DDX4: variants seen among roughly 807,000 people sequenced by gnomAD.
The protein encoded by DDX4 is probable ATP-dependent RNA helicase DDX4.
In DDX4, 25 loss-of-function variants were observed where a neutral mutation model predicts 100.0. The ratio of observed to expected loss-of-function variants is 0.25; its 90% CI spans 0.18 to 0.35. DDX4 has a LOEUF of 0.35. DDX4 is among the 10% of genes least tolerant of loss of function. The probability of loss-of-function intolerance (pLI) is 1.00; values close to 1 mark genes in which losing one functional copy is unlikely to be tolerated. For synonymous variants in DDX4, 259 were observed against 275.7 expected, an observed-to-expected ratio of 0.94 and a Z score of 0.60; for missense variants, 635 against 882.4, an observed-to-expected ratio of 0.72 and a Z score of 3.55.
intron 14 of DDX4, 47 bp downstream of exon 14, chr5:55,786,717 G>T: frequency 1.3e-6 from 2 of 1,508,666 alleles, no homozygotes; most frequent in Non-Finnish European, 1.8e-6. Context: ...TTTGAGCTTT[G>T]GTTCTTCCTT....
At chr5:55,812,405 CA>C (rs561807367) in intron 18 of DDX4, among the ~76,000 whole-genome samples, 278 of 151,222 alleles carry the variant, frequency 1.8e-3, no homozygotes, top group African/African-American at 4.8e-3. Context: ...ACTAAAAATA[CA>C]AAAAAAAATT....
chr5:55,810,763 T>A (rs945760781), intron 18 of DDX4, among the ~76,000 whole-genome samples: 6 of 152,156 alleles, frequency 3.9e-5, no homozygotes, highest in Non-Finnish European at 7.4e-5. Flanking sequence ...CTCAAAAGTT[T>A]TCTGGGTGAA....
chr5:55,782,832 G>A (rs572807841), intron 10 of DDX4, among the ~76,000 whole-genome samples: 76 of 139,032 alleles, frequency 5.5e-4, no homozygotes, highest in Non-Finnish European at 9.6e-4. Context: ...GTCTCACTCT[G>A]TCACCCAGGT....
At chr5:55,751,852 TCAC>T (rs1353244151) in intron 3 of DDX4, among the ~76,000 whole-genome samples, 1 of 152,220 alleles carries the variant, frequency 6.6e-6, no homozygotes, top group African/African-American at 2.4e-5. Flanking sequence ...AAGAAATTCT[TCAC>T]CATCTCTGTC....
intron 6 of DDX4, chr5:55,767,107 C>A: frequency 8.0e-7 from 1 of 1,244,390 alleles, no homozygotes. Context: ...GGAAAGTTTG[C>A]ATATATTTAA....
intron 15 of DDX4, among the ~76,000 whole-genome samples, chr5:55,788,937 C>T (rs879456970): frequency 6.6e-6 from 1 of 151,994 alleles, no homozygotes; most frequent in Non-Finnish European, 1.5e-5. Context: ...TGCAGTGGTG[C>T]ACCCCTGTAG....
intron 17 of DDX4, among the ~76,000 whole-genome samples, chr5:55,796,633 T>C (rs1397406911): frequency 6.6e-6 from 1 of 152,164 alleles, no homozygotes; most frequent in Non-Finnish European, 1.5e-5. Context: ...CGTGTGTTTC[T>C]AGTCTACTAG....
chr5:55,814,404 C>CA (rs1326341823), intron 19 of DDX4, among the ~76,000 whole-genome samples: 1 of 151,828 alleles, frequency 6.6e-6, no homozygotes, highest in African/African-American at 2.4e-5. Flanking sequence ...TTTTGCAACT[C>CA]AAAGTATTAT....
intron 17 of DDX4, 133 bp from the exon 18 acceptor site, chr5:55,798,286 ATATAAGT>A: frequency 1.2e-6 from 1 of 844,688 alleles, no homozygotes; most frequent in Non-Finnish European, 1.7e-6. Context: ...TACTTGGGTG[ATATAAGT>A]AACCAACCAT....
intron 16 of DDX4, among the ~76,000 whole-genome samples, chr5:55,792,075 G>A (rs1742599889): frequency 7.1e-6 from 1 of 141,496 alleles, no homozygotes; most frequent in Non-Finnish European, 1.5e-5. Context: ...AGTGAGCTGA[G>A]CTTGTGCCAC....
chr5:55,778,893 C>CAA (rs35427276), intron 7 of DDX4, among the ~76,000 whole-genome samples: 1,606 of 147,062 alleles, frequency 0.011, 18 homozygotes, highest in African/African-American at 0.025. Context: ...GACTTCGCCT[C>CAA]AAAAAAAAAA....
At chr5:55,798,053 C>T (rs1041456897) in intron 17 of DDX4, among the ~76,000 whole-genome samples, 2 of 152,164 alleles carry the variant, frequency 1.3e-5, no homozygotes, top group Non-Finnish European at 2.9e-5. Context: ...GAATTTGTGT[C>T]TCAGGCTTAC....
chr5:55,759,391 T>A (rs1214193211), intron 3 of DDX4, among the ~76,000 whole-genome samples: 1 of 152,104 alleles, frequency 6.6e-6, no homozygotes, highest in Non-Finnish European at 1.5e-5. Context: ...TTTTTAAAAA[T>A]ACGTCACCAA....
chr5:55,779,795 A>G (rs1741796332), intron 7 of DDX4, among the ~76,000 whole-genome samples, 169 bp from the exon 8 acceptor site: 1 of 152,142 alleles, frequency 6.6e-6, no homozygotes, highest in South Asian at 2.1e-4. Context: ...TTATATTAGT[A>G]AAATTGAACA....
At chr5:55,766,044 C>A (rs1163835147) in intron 6 of DDX4, among the ~76,000 whole-genome samples, 2 of 150,522 alleles carry the variant, frequency 1.3e-5, no homozygotes, top group Admixed American at 1.3e-4. Flanking sequence ...GTCTCAAACT[C>A]CTGACCTCAC....
rs751244403 is a variant in DDX4, at chr5:55,816,779, T to G, written c.*239T>G. ...GAATATTAAAGCATTCTAAATGTCT[T>G]TCTTATTTCTGGTATATTCTTTAGG... On this transcript the variant is annotated 3_prime_UTR_variant, in exon 22 of 22. Transcript: ENST00000505374. 5 of 563,490 alleles carry G rather than the reference T, an allele frequency of 8.9e-6. No individual in the cohort carries two copies. The highest frequency in any genetic ancestry group is 3.9e-5 in the Admixed American group (1 of 25,872). 34.9% of individuals were successfully genotyped at this position (563,490 alleles called of 1,614,324 possible).
intron 7 of DDX4, among the ~76,000 whole-genome samples, chr5:55,771,743 G>A (rs1741265546): frequency 6.6e-6 from 1 of 151,990 alleles, no homozygotes; most frequent in African/African-American, 2.4e-5. Flanking sequence ...GTTGTGTGGT[G>A]GTGTACTCAT....
At chr5:55,744,095 ATGT>A (rs1336274800) in intron 2 of DDX4, among the ~76,000 whole-genome samples, 2 of 152,108 alleles carry the variant, frequency 1.3e-5, no homozygotes, top group African/African-American at 4.8e-5. Flanking sequence ...CATTTCAAGT[ATGT>A]TGTTATTTTT....
At chr5:55,800,392 C>T (rs1162446938) in intron 18 of DDX4, among the ~76,000 whole-genome samples, 2 of 149,986 alleles carry the variant, frequency 1.3e-5, no homozygotes, top group African/African-American at 2.5e-5. Context: ...GGCACAATCT[C>T]GGCTCACTGC....
Sources: allele counts gnomAD v4.1 joint callset (sites outside exome capture counted in the v4.1 genomes callset), GRCh38; gene constraint gnomAD v4.1.1; transcripts MANE v1.5; gene names NCBI Gene and HGNC (gene_info 2026-07-23, HGNC 2026-07-21).